Variants in TBC1D22A observed in about 807,000 individuals in gnomAD.
TBC1D22A encodes TBC1 domain family member 22A, also known as putative GTPase activator.
In TBC1D22A, 38 loss-of-function variants were observed where a neutral mutation model predicts 60.2. The ratio of observed to expected loss-of-function variants is 0.63; its 90% CI spans 0.49 to 0.83. The LOEUF is 0.83. TBC1D22A is among the 40% of genes least tolerant of loss of function. The pLI, the probability that TBC1D22A is intolerant of heterozygous loss-of-function variation, is 0.00. For missense variants in TBC1D22A, 628 were observed against 701.0 expected (o/e 0.90, Z 1.18); for synonymous variants, 302 against 281.7 (o/e 1.07, Z -0.72).
At chr22:46,917,347 C>T (rs1394304603) in intron 8 of TBC1D22A, among the ~76,000 whole-genome samples, 5 of 152,062 alleles carry the variant, frequency 3.3e-5, no homozygotes, top group African/African-American at 1.2e-4. Context: ...AGACCAGAGG[C>T]CGGTGGAGGC....
chr22:46,830,363 A>C (rs1047346952), intron 4 of TBC1D22A, among the ~76,000 whole-genome samples: 1 of 152,206 alleles, frequency 6.6e-6, no homozygotes, highest in Non-Finnish European at 1.5e-5. Context: ...AATAAATGAC[A>C]GATCAGTGAT....
intron 12 of TBC1D22A, among the ~76,000 whole-genome samples, chr22:47,135,338 G>A (rs5767524): frequency 0.33 from 50,938 of 152,142 alleles, 8,880 homozygotes; most frequent in East Asian, 0.61. Flanking sequence ...TATCAAGCAC[G>A]GGTCCTGGAC....
At chr22:46,775,087 G>C (rs562454246) in intron 1 of TBC1D22A, among the ~76,000 whole-genome samples, 50 of 152,378 alleles carry the variant, frequency 3.3e-4, no homozygotes, top group Admixed American at 2.3e-3. Context: ...ATGAGCTCCT[G>C]ATCCTTGGCT....
intron 4 of TBC1D22A, among the ~76,000 whole-genome samples, chr22:46,806,176 C>T (rs111911133): frequency 3.8e-3 from 578 of 152,228 alleles, no homozygotes; most frequent in African/African-American, 0.013. Flanking sequence ...ACATTTACCC[C>T]ATGGCTCAGT....
chr22:46,851,802 G>A (rs1469896175), intron 4 of TBC1D22A, among the ~76,000 whole-genome samples: 2 of 152,218 alleles, frequency 1.3e-5, no homozygotes, highest in African/African-American at 2.4e-5. Context: ...AGGGGTACAC[G>A]GCTCAGCATA....
rs760828519 is a variant in TBC1D22A, at chr22:46,792,558, A to T, written c.101A>T (p.Asp34Val). 7 of 1,613,938 alleles carry T rather than the reference A, an allele frequency of 4.3e-6. No homozygotes were observed. In the South Asian group the frequency reaches 7.7e-5, roughly 18 times the overall value. The change falls in exon 2 of 13, where the codon GAT becomes GTT. Residue 34 changes from aspartate (D) to valine (V), a missense_variant. Transcript: ENST00000337137. ...TATGGTGCCCAGCACCCCCCCTTTG[A>T]TCCACTGTTACATGGCACGTAAGTG... ...HVYGAQHPPF[D>V]PLLHGTLLRS...
At chr22:46,834,744 A>T (rs1370431893) in intron 4 of TBC1D22A, among the ~76,000 whole-genome samples, 1 of 152,180 alleles carries the variant, frequency 6.6e-6, no homozygotes, top group African/African-American at 2.4e-5. Flanking sequence ...CTAGTCCACA[A>T]ATTTCATAGG....
At chr22:46,776,789 G>GA in intron 1 of TBC1D22A, among the ~76,000 whole-genome samples, 1 of 152,166 alleles carries the variant, frequency 6.6e-6, no homozygotes, top group African/African-American at 2.4e-5. Context: ...CAAAAGGTGG[G>GA]AAAAAAGAGC....
At chr22:46,826,677 G>A (rs899226067) in intron 4 of TBC1D22A, among the ~76,000 whole-genome samples, 8 of 152,156 alleles carry the variant, frequency 5.3e-5, no homozygotes, top group South Asian at 4.1e-4. Flanking sequence ...GCGAGGTCCC[G>A]GAGACTGTCC....
At chr22:46,883,858 T>A (rs879437088) in intron 5 of TBC1D22A, among the ~76,000 whole-genome samples, 8 of 152,174 alleles carry the variant, frequency 5.3e-5, no homozygotes, top group Non-Finnish European at 7.3e-5. Flanking sequence ...CTGTGCTCCG[T>A]CTCTTTCTCT....
At chr22:46,773,101 C>T (rs1378378123) in intron 1 of TBC1D22A, among the ~76,000 whole-genome samples, 1 of 152,220 alleles carries the variant, frequency 6.6e-6, no homozygotes, top group Non-Finnish European at 1.5e-5. Context: ...GAGAGTGACA[C>T]CTGCCCCTCC....
chr22:46,913,689 T>A, intron 8 of TBC1D22A: 1 of 985,422 alleles, frequency 1.0e-6, no homozygotes, highest in Non-Finnish European at 1.2e-6. Context: ...ACTTCAGAGT[T>A]GTTAATTGAA....
chr22:46,998,436 C>G (rs1436975092), intron 10 of TBC1D22A, among the ~76,000 whole-genome samples: 1 of 152,168 alleles, frequency 6.6e-6, no homozygotes, highest in East Asian at 1.9e-4. Flanking sequence ...GGAAAAGAGA[C>G]ATGCTCTTTC....
At chr22:47,118,097 G>A (rs140275069) in intron 12 of TBC1D22A, among the ~76,000 whole-genome samples, 1,741 of 152,066 alleles carry the variant, frequency 0.011, 34 homozygotes, top group African/African-American at 0.039. Context: ...CACTCCAGCC[G>A]GGGCGACAGA....
chr22:47,149,144 G>A (rs1015962471), intron 12 of TBC1D22A, among the ~76,000 whole-genome samples: 19 of 152,158 alleles, frequency 1.2e-4, no homozygotes, highest in Non-Finnish European at 2.4e-4. Context: ...CTGGGGCTGG[G>A]GTCACATGGC....
At chr22:47,040,223 G>C (rs1358648283) in intron 11 of TBC1D22A, among the ~76,000 whole-genome samples, 1 of 152,122 alleles carries the variant, frequency 6.6e-6, no homozygotes, top group Non-Finnish European at 1.5e-5. Flanking sequence ...GGGATTACAG[G>C]TGTGAGCCAC....
chr22:47,060,238 C>CTTTTTTT lies in TBC1D22A; in HGVS notation c.1329+23055_1329+23061dup, dbSNP rs3884803. Among the ~76,000 whole-genome samples the CTTTTTTT allele has an allele frequency of 7.8e-3, 876 of 111,600 alleles. 17 individuals carry two copies. The highest frequency in any genetic ancestry group is 0.03 in the African/African-American group (828 of 27,634). 73.2% of individuals were successfully genotyped at this position (111,600 alleles called of 152,430 possible). A position where few individuals can be genotyped will look rare whatever the true frequency, so the allele number is the denominator to read the frequency against. ...TGCGGCCCCTGCTAAGGGTTTCTGA[C>CTTTTTTT]TTTTTTTTTTTTTTTTTTTTTGAGA... On this transcript the variant is annotated intron_variant, in intron 11 of 12. Transcript: ENST00000337137.
intron 4 of TBC1D22A, among the ~76,000 whole-genome samples, chr22:46,808,047 A>C (rs2085224301): frequency 6.6e-6 from 1 of 152,196 alleles, no homozygotes; most frequent in South Asian, 2.1e-4. Context: ...AATGGGAAGA[A>C]ATTTCTAATG....
intron 8 of TBC1D22A, among the ~76,000 whole-genome samples, chr22:46,949,294 G>T (rs1441670607): frequency 6.6e-6 from 1 of 152,238 alleles, no homozygotes; most frequent in Non-Finnish European, 1.5e-5. Context: ...GTCAGAGGCT[G>T]TGAGTGCCAG....
Sources: gnomAD v4.1 joint callset for allele counts (sites outside exome capture counted in the v4.1 genomes callset) on GRCh38, gnomAD v4.1.1 for gene constraint, MANE v1.5 for transcripts, NCBI Gene and HGNC (gene_info 2026-07-23, HGNC 2026-07-21) for gene names.